AGBL1: variants seen among roughly 807,000 people sequenced by gnomAD.
The protein encoded by AGBL1 is AGBL carboxypeptidase 1.
A neutral mutation model predicts 118.9 loss-of-function variants in AGBL1; 130 were observed. The observed-to-expected ratio is 1.09, with a 90% CI of 0.95 to 1.26. AGBL1 has a LOEUF of 1.26. Among genes scored for constraint, AGBL1 ranks in the 50% most tolerant of loss-of-function variants. The pLI, the probability that AGBL1 is intolerant of heterozygous loss-of-function variation, is 0.00. For synonymous variants in AGBL1, 555 were observed against 478.9 expected (o/e 1.16, Z -2.08); for missense variants, 1,584 against 1,298.1 (o/e 1.22, Z -3.38).
chr15:86,173,067 C>T (rs1268028304), intron 5 of AGBL1: 3 of 152,002 alleles, frequency 2.0e-5, no homozygotes, highest in Non-Finnish European at 2.9e-5. Flanking sequence ...GATGATATCT[C>T]ATTGCGGTTT....
At chr15:86,308,192 T>G (rs919642011) in intron 17 of AGBL1, among the ~76,000 whole-genome samples, 8 of 152,216 alleles carry the variant, frequency 5.3e-5, no homozygotes, top group African/African-American at 1.9e-4. Context: ...TATAACGAAT[T>G]CCTATGTATG....
intron 1 of AGBL1, among the ~76,000 whole-genome samples, chr15:86,093,861 G>A (rs1046145099): frequency 3.3e-5 from 5 of 152,144 alleles, no homozygotes; most frequent in African/African-American, 1.2e-4. Context: ...AAGAGACAAT[G>A]AGAGAGAGCC....
intron 21 of AGBL1, among the ~76,000 whole-genome samples, chr15:86,621,612 C>T (rs2084805589): frequency 6.6e-6 from 1 of 152,212 alleles, no homozygotes; most frequent in East Asian, 1.9e-4. Flanking sequence ...TCCAGTATAT[C>T]TTGAGATCCT....
intron 22 of AGBL1, among the ~76,000 whole-genome samples, chr15:86,832,624 C>T (rs1288293679): frequency 4.6e-5 from 7 of 152,170 alleles, no homozygotes; most frequent in Non-Finnish European, 8.8e-5. Flanking sequence ...CAAAAAGTTC[C>T]TCATCTCCAT....
chr15:86,920,658 G>C (rs2080473980), downstream of AGBL1, among the ~76,000 whole-genome samples: 1 of 152,172 alleles, frequency 6.6e-6, no homozygotes, highest in African/African-American at 2.4e-5. Context: ...TTAATAACAT[G>C]AATCTTCATG....
chr15:86,528,498 G>A (rs1461318585), intron 19 of AGBL1, among the ~76,000 whole-genome samples: 9 of 151,534 alleles, frequency 5.9e-5, no homozygotes, highest in South Asian at 2.1e-4. Flanking sequence ...AGCAGTCTGA[G>A]ATCAAACTGC....
chr15:86,260,126 C>T (rs1248107064), intron 9 of AGBL1, among the ~76,000 whole-genome samples: 1 of 152,216 alleles, frequency 6.6e-6, no homozygotes, highest in Non-Finnish European at 1.5e-5. Context: ...GCATGAGAGT[C>T]AGGGCTCAAA....
chr15:86,305,752 T>C (rs1597710431), intron 17 of AGBL1, among the ~76,000 whole-genome samples: 1 of 152,138 alleles, frequency 6.6e-6, no homozygotes, highest in Non-Finnish European at 1.5e-5. Flanking sequence ...GACGCATGAA[T>C]ACATATGTAC....
chr15:86,431,946 A>T (rs186073072), intron 18 of AGBL1, among the ~76,000 whole-genome samples: 5 of 152,246 alleles, frequency 3.3e-5, no homozygotes, highest in Admixed American at 2.6e-4. Flanking sequence ...TATTGGCAAC[A>T]CGATAGCTCT....
intron 11 of AGBL1, 118 bp from the exon 12 acceptor site, chr15:86,266,256 C>T (rs1283807137): frequency 4.9e-6 from 3 of 611,752 alleles, no homozygotes; most frequent in Admixed American, 3.2e-5. Flanking sequence ...TGTTATTAAA[C>T]TTCTCTGTGC....
intron 24 of AGBL1, among the ~76,000 whole-genome samples, chr15:87,012,139 G>T (rs1047163558): frequency 6.6e-6 from 1 of 151,474 alleles, no homozygotes; most frequent in African/African-American, 2.4e-5. Context: ...CTAAATCAAG[G>T]TGACCCTTCA....
chr15:86,093,080 C>G (rs1299843554), intron 1 of AGBL1, among the ~76,000 whole-genome samples: 1 of 152,076 alleles, frequency 6.6e-6, no homozygotes, highest in African/African-American at 2.4e-5. Flanking sequence ...TCTAGGATAA[C>G]AAGAACAATA....
intron 1 of AGBL1, among the ~76,000 whole-genome samples, chr15:86,081,220 T>A (rs1895260780): frequency 2.6e-5 from 4 of 152,084 alleles, no homozygotes; most frequent in Admixed American, 2.6e-4. Context: ...ATTTTTTGTA[T>A]TTTTAGTAGA....
chr15:86,312,204 G>C (rs1441210271), intron 17 of AGBL1: 1 of 152,220 alleles, frequency 6.6e-6, no homozygotes, highest in East Asian at 1.9e-4. Context: ...TGAAAGCAGG[G>C]ATTGGATTCA....
At chr15:86,707,972 T>C (rs1324194314) in intron 22 of AGBL1, among the ~76,000 whole-genome samples, 2 of 152,174 alleles carry the variant, frequency 1.3e-5, no homozygotes, top group Non-Finnish European at 2.9e-5. Flanking sequence ...ACAATTCTTT[T>C]AGCTACTCAG....
In AGBL1 at chr15:86,934,023, T is replaced by C. The variant is rs538985288; in HGVS notation, c.3222-53964T>C. Reference sequence around the variant, plus strand: ...TGTTCTCCGTCTGTGGATTCTATGATGAATCTCAGTTATAGAAACAAAATA... The same window carrying C: ...TGTTCTCCGTCTGTGGATTCTATGACGAATCTCAGTTATAGAAACAAAATA... On this transcript the variant is annotated intron_variant, in intron 23 of 24. Transcript: ENST00000441037. Among the ~76,000 whole-genome samples, 5 of 152,342 alleles carry C rather than the reference T, an allele frequency of 3.3e-5. No individual in the cohort carries two copies. In the South Asian group the frequency reaches 6.2e-4, roughly 19 times the overall value.
chr15:86,694,164 G>T (rs2086217381), intron 22 of AGBL1, among the ~76,000 whole-genome samples: 1 of 151,964 alleles, frequency 6.6e-6, no homozygotes, highest in African/African-American at 2.4e-5. Flanking sequence ...GAATTGCATT[G>T]AATTTGTAGC....
chr15:86,695,873 G>T lies in AGBL1; in HGVS notation c.3158+21437G>T, dbSNP rs7178311. On this transcript the variant is annotated intron_variant, in intron 22 of 22. Coordinates refer to ENST00000614907, the MANE Select transcript of AGBL1 (RefSeq NM_001386094.1). ...TGACCCAATGATCATTCTTGAGCAG[G>T]TTATTTAATTTTCATGTATTTGCAT... Among the ~76,000 whole-genome samples, 49 of 151,914 alleles carry T rather than the reference G, an allele frequency of 3.2e-4. 1 individual carries two copies. The highest frequency in any genetic ancestry group is 1.2e-3 in the African/African-American group (48 of 41,458).
intron 21 of AGBL1, among the ~76,000 whole-genome samples, chr15:86,561,488 C>A (rs191901745): frequency 1.7e-3 from 252 of 152,200 alleles, no homozygotes; most frequent in African/African-American, 5.7e-3. Context: ...ATTTCGGAGG[C>A]CTCTGTGCTG....
Sources: allele counts gnomAD v4.1 joint callset (sites outside exome capture counted in the v4.1 genomes callset), GRCh38; gene constraint gnomAD v4.1.1; transcripts MANE v1.5; gene names NCBI Gene and HGNC (gene_info 2026-07-23, HGNC 2026-07-21).